LYRM4: variants seen among roughly 807,000 people sequenced by gnomAD.
The protein encoded by LYRM4 is LYR motif-containing protein 4.
Under a neutral mutation model 11.7 loss-of-function variants are expected in LYRM4, and 9 were observed. The observed-to-expected ratio is 0.77, with a 90% confidence interval of 0.46 to 1.34. The LOEUF (loss-of-function observed/expected upper bound fraction) is 1.34, where lower values mean the gene tolerates loss of function less well. Among genes scored for constraint, LYRM4 ranks in the 40% most tolerant of loss-of-function variants. LYRM4 has a pLI of 0.00. For synonymous variants in LYRM4, 42 were observed against 40.4 expected (o/e 1.04, Z -0.15); for missense variants, 133 against 112.5 (o/e 1.18, Z -0.82).
At chr6:5,128,608 T>C (rs78808703) in intron 2 of LYRM4, among the ~76,000 whole-genome samples, 1,890 of 152,334 alleles carry the variant, frequency 0.012, 38 homozygotes, top group African/African-American at 0.044. Context: ...CAGTCACAAA[T>C]ACGTGCATTT....
intron 2 of LYRM4, chr6:5,113,212 A>G (rs1287938829): frequency 2.8e-6 from 1 of 353,626 alleles, no homozygotes; most frequent in Non-Finnish European, 5.8e-6. Flanking sequence ...AGACGGGTGG[A>G]TCACGAGGTC....
chr6:5,076,843 C>T, the LYRM4 span, among the ~76,000 whole-genome samples: 29 of 152,336 alleles, frequency 1.9e-4, no homozygotes, highest in East Asian at 5.8e-4. Context: ...CACACGATCA[C>T]GCCAAGGACC....
chr6:5,211,246 C>A (rs146328327), intron 2 of LYRM4, among the ~76,000 whole-genome samples: 178 of 152,168 alleles, frequency 1.2e-3, no homozygotes, highest in African/African-American at 4.0e-3. Flanking sequence ...GGAACTGGAG[C>A]GGATATTGCA....
intron 2 of LYRM4, among the ~76,000 whole-genome samples, chr6:5,208,497 T>C (rs1177150981): frequency 6.6e-6 from 1 of 152,248 alleles, no homozygotes; most frequent in African/African-American, 2.4e-5. Flanking sequence ...ACAGCATTAC[T>C]GCTGCCTTTT....
chr6:5,085,998 C>T, the LYRM4 span: 1 of 1,524,532 alleles, frequency 6.6e-7, no homozygotes, highest in South Asian at 1.2e-5. Context: ...CTATGCGTGC[C>T]GAGGACCTGG....
At chr6:5,123,497 G>C (rs561302686) in intron 2 of LYRM4, among the ~76,000 whole-genome samples, 129 of 152,346 alleles carry the variant, frequency 8.5e-4, no homozygotes, top group African/African-American at 2.9e-3. Context: ...AAGCACTTCT[G>C]GGGGAAGGGG....
chr6:5,085,630 A>C, the LYRM4 span: 1 of 1,548,524 alleles, frequency 6.5e-7, no homozygotes, highest in Non-Finnish European at 8.7e-7. Context: ...GGAGACCCCG[A>C]GTCCTGACGC....
intron 1 of LYRM4, among the ~76,000 whole-genome samples, chr6:5,233,983 GC>G (rs1256892937): frequency 6.6e-6 from 1 of 152,180 alleles, no homozygotes; most frequent in Admixed American, 6.5e-5. Flanking sequence ...CAGTTCTACA[GC>G]CTGCCCTTTC....
chr6:5,084,652 C>G, the LYRM4 span: 1 of 152,240 alleles, frequency 6.6e-6, no homozygotes, highest in Non-Finnish European at 1.5e-5. Context: ...CCGCCCCAGT[C>G]TGGCCGCAGC....
intron 2 of LYRM4, among the ~76,000 whole-genome samples, chr6:5,118,094 A>ATATATATATTTTTTTTTTT: frequency 4.9e-4 from 42 of 86,106 alleles, no homozygotes; most frequent in African/African-American, 1.4e-3. Context: ...ATATATATAT[A>ATATATATATTTTTTTTTTT]TTTTTGTTTT....
intron 1 of LYRM4, among the ~76,000 whole-genome samples, chr6:5,227,377 G>A (rs573424853): frequency 6.6e-5 from 10 of 152,316 alleles, no homozygotes; most frequent in African/African-American, 2.2e-4. Flanking sequence ...AAGGGTCAAC[G>A]TAGAGGCAGG....
chr6:5,081,609 C>T, the LYRM4 span, among the ~76,000 whole-genome samples: 2 of 152,186 alleles, frequency 1.3e-5, no homozygotes, highest in Admixed American at 6.5e-5. Context: ...AGCTTTAGAC[C>T]TCCTGTAGTA....
the LYRM4 span, among the ~76,000 whole-genome samples, chr6:5,073,323 T>C: frequency 6.6e-6 from 1 of 152,120 alleles, no homozygotes; most frequent in Non-Finnish European, 1.5e-5. Flanking sequence ...TGAGCTGAGA[T>C]AGTGCTACTG....
chr6:5,187,573 G>A (rs1020827536), intron 2 of LYRM4, among the ~76,000 whole-genome samples: 1 of 152,028 alleles, frequency 6.6e-6, no homozygotes, highest in African/African-American at 2.4e-5. Context: ...TGGACACAGG[G>A]CAGGGGAACA....
chr6:5,126,461 T>G (rs373056177), intron 2 of LYRM4, among the ~76,000 whole-genome samples: 1 of 152,130 alleles, frequency 6.6e-6, no homozygotes, highest in African/African-American at 2.4e-5. Flanking sequence ...TGAAGTACAG[T>G]GCAAGAATGA....
chr6:5,132,900 A>G (rs1362768524), intron 2 of LYRM4: 2 of 152,270 alleles, frequency 1.3e-5, no homozygotes, highest in Non-Finnish European at 2.9e-5. Flanking sequence ...ATCAGTGCTC[A>G]TGAGAAGTGA....
chr6:5,071,605 T>C, the LYRM4 span, among the ~76,000 whole-genome samples: 2 of 151,848 alleles, frequency 1.3e-5, no homozygotes, highest in Non-Finnish European at 1.5e-5. Flanking sequence ...TGTGTGTATG[T>C]ATGTGTGTGT....
At chr6:5,153,101 T>C (rs1419147932) in intron 2 of LYRM4, among the ~76,000 whole-genome samples, 1 of 152,154 alleles carries the variant, frequency 6.6e-6, no homozygotes, top group African/African-American at 2.4e-5. Flanking sequence ...AATCTTATTA[T>C]TATTTTTTTT....
chr6:5,236,150 C>T (rs1228116969), intron 1 of LYRM4: 1 of 152,110 alleles, frequency 6.6e-6, no homozygotes, highest in African/African-American at 2.4e-5. Flanking sequence ...TGGCTGTAAG[C>T]TCAAAATATT....
Sources: allele counts gnomAD v4.1 joint callset (sites outside exome capture counted in the v4.1 genomes callset), GRCh38; gene constraint gnomAD v4.1.1; transcripts MANE v1.5; gene names NCBI Gene and HGNC (gene_info 2026-07-23, HGNC 2026-07-21).